Variants in EXOC6B observed in about 807,000 individuals in gnomAD.
EXOC6B encodes the protein exocyst complex component 6B, also known as SEC15 homolog B.
A neutral mutation model predicts 113.5 loss-of-function variants in EXOC6B; 54 were observed. The observed-to-expected ratio is 0.48, with a 90% confidence interval of 0.38 to 0.60. The LOEUF is 0.60. EXOC6B is among the 20% of genes least tolerant of loss of function. The pLI, the probability that EXOC6B is intolerant of heterozygous loss-of-function variation, is 0.00. For synonymous variants in EXOC6B, 357 were observed against 339.0 expected (o/e 1.05, Z -0.58); for missense variants, 797 against 977.5 (o/e 0.82, Z 2.46).
rs1465908324 is a variant in EXOC6B, at chr2:72,465,321, C to T, written c.1819G>A (p.Glu607Lys). 1.3e-6 allele frequency: 2 copies of T among 1,598,508 alleles called. No homozygotes were observed. The highest frequency in any genetic ancestry group is 1.7e-6 in the Non-Finnish European group (2 of 1,172,124). The part of the protein sequence containing the change: ...TTFKDARHAA[E>K]EEIYTNLNQK... ...TTTAAGTTGGTATAAATCTCTTCTT[C>T]AGCTGCATGTCTAGCATCCTGTGAA... Residue 607 changes from glutamate to lysine, a missense_variant, in exon 18 of 22, where the codon GAA becomes AAA. Glu to Lys is a moderately conservative substitution (Grantham distance 56, BLOSUM62 1). Coordinates refer to ENST00000272427, the MANE Select transcript of EXOC6B (RefSeq NM_015189.3).
At chr2:72,248,390 TA>T (rs1263492552) in intron 20 of EXOC6B, among the ~76,000 whole-genome samples, 3 of 152,188 alleles carry the variant, frequency 2.0e-5, no homozygotes, top group Non-Finnish European at 4.4e-5. Flanking sequence ...TCTGGATTCG[TA>T]AAACTGTAAA....
chr2:72,431,532 T>TCTATCTAC (rs1553407600), intron 18 of EXOC6B, among the ~76,000 whole-genome samples: 6 of 151,100 alleles, frequency 4.0e-5, no homozygotes, highest in Non-Finnish European at 8.9e-5. Flanking sequence ...TATCTATCTA[T>TCTATCTAC]CTATCTAAGA....
At chr2:72,364,286 A>G (rs987120574) in intron 19 of EXOC6B, among the ~76,000 whole-genome samples, 1 of 152,114 alleles carries the variant, frequency 6.6e-6, no homozygotes, top group Non-Finnish European at 1.5e-5. Flanking sequence ...AGTAAAATAA[A>G]TGTCCATGGA....
chr2:72,422,136 G>A (rs972910520), intron 18 of EXOC6B, among the ~76,000 whole-genome samples: 5 of 152,196 alleles, frequency 3.3e-5, no homozygotes, highest in South Asian at 2.1e-4. Flanking sequence ...CGTGCGGCCC[G>A]AGCCTCCCCA....
intron 1 of EXOC6B, among the ~76,000 whole-genome samples, chr2:72,798,170 A>C (rs1293823312): frequency 1.3e-5 from 2 of 152,178 alleles, no homozygotes; most frequent in Admixed American, 6.5e-5. Flanking sequence ...AAATAAGAAC[A>C]CCTACAAAGA....
chr2:72,264,717 A>T lies in EXOC6B; in HGVS notation c.2196+70230T>A, dbSNP rs191963108. 3.9e-4 allele frequency among the ~76,000 whole-genome samples: 60 copies of T among 152,036 alleles called. 1 individual carries two copies. The East Asian group carries it at 0.01, about 26-fold the overall frequency. On this transcript the variant is annotated intron_variant, in intron 20 of 21. Transcript: ENST00000272427. ...TTGAATCATGGGGGCAGTTTTCCCC[A>T]CGCTGTTCTCATGATAATGAGTGAG...
At chr2:72,496,784 C>T (rs1700058132) in intron 13 of EXOC6B, among the ~76,000 whole-genome samples, 1 of 151,812 alleles carries the variant, frequency 6.6e-6, no homozygotes, top group Non-Finnish European at 1.5e-5. Flanking sequence ...GAAAACTATC[C>T]TCTGAAACAA....
chr2:72,456,956 T>G (rs1199808315), intron 18 of EXOC6B, among the ~76,000 whole-genome samples: 1 of 151,562 alleles, frequency 6.6e-6, no homozygotes, highest in Admixed American at 6.6e-5. Flanking sequence ...TGTAAGATTT[T>G]CAACACACAT....
intron 16 of EXOC6B, among the ~76,000 whole-genome samples, chr2:72,490,636 G>T (rs1699688784): frequency 6.6e-6 from 1 of 152,088 alleles, no homozygotes; most frequent in Admixed American, 6.6e-5. Context: ...CATATGCAAA[G>T]ATACTGAAAG....
intron 19 of EXOC6B, among the ~76,000 whole-genome samples, chr2:72,342,879 C>T (rs1390740398): frequency 6.6e-6 from 1 of 152,076 alleles, no homozygotes; most frequent in Non-Finnish European, 1.5e-5. Flanking sequence ...GGGTATATAG[C>T]CAAAGGAAAT....
chr2:72,317,605 T>C (rs921027085), intron 20 of EXOC6B, among the ~76,000 whole-genome samples: 3 of 150,040 alleles, frequency 2.0e-5, no homozygotes, highest in African/African-American at 7.5e-5. Flanking sequence ...ACTGCTTGTA[T>C]TGACAAATGA....
At chr2:72,776,343 G>A (rs1683698945) in intron 1 of EXOC6B, among the ~76,000 whole-genome samples, 1 of 152,194 alleles carries the variant, frequency 6.6e-6, no homozygotes, top group Non-Finnish European at 1.5e-5. Context: ...CTGGCCAGGA[G>A]AGGTGGCTCA....
chr2:72,570,889 A>C (rs1040677950), intron 7 of EXOC6B, among the ~76,000 whole-genome samples: 1 of 152,304 alleles, frequency 6.6e-6, no homozygotes, highest in East Asian at 1.9e-4. Flanking sequence ...AAAAAAGCAC[A>C]TGGTCATAAT....
At chr2:72,602,145 A>T (rs1670469968) in intron 6 of EXOC6B, among the ~76,000 whole-genome samples, 1 of 152,174 alleles carries the variant, frequency 6.6e-6, no homozygotes, top group Admixed American at 6.6e-5. Context: ...GTAAATTTGG[A>T]GGATTGAGCA....
chr2:72,643,305 C>T (rs1330430934), intron 6 of EXOC6B, among the ~76,000 whole-genome samples: 126 of 148,566 alleles, frequency 8.5e-4, no homozygotes, highest in African/African-American at 3.0e-3. Context: ...TATAAAGACA[C>T]ATGCACACGT....
At chr2:72,571,492 C>CA (rs958965288) in intron 7 of EXOC6B, among the ~76,000 whole-genome samples, 120 of 150,698 alleles carry the variant, frequency 8.0e-4, no homozygotes, top group African/African-American at 2.4e-3. Context: ...TTTTTTAAAA[C>CA]AAAAAAAACC....
chr2:72,299,139 G>A (rs1308498585), intron 20 of EXOC6B, among the ~76,000 whole-genome samples: 1 of 151,946 alleles, frequency 6.6e-6, no homozygotes, highest in African/African-American at 2.4e-5. Flanking sequence ...CGTAGATTTG[G>A]TCTTTTCACA....
At chr2:72,641,010 C>T (rs1190913530) in intron 6 of EXOC6B, among the ~76,000 whole-genome samples, 1 of 152,172 alleles carries the variant, frequency 6.6e-6, no homozygotes, top group Non-Finnish European at 1.5e-5. Context: ...TAGATTCCCA[C>T]ACAATAATAG....
chr2:72,696,167 T>C (rs1677863885), intron 6 of EXOC6B, among the ~76,000 whole-genome samples: 1 of 152,214 alleles, frequency 6.6e-6, no homozygotes. Context: ...GCAGAATAAT[T>C]GACAGTAATA....
Sources: gnomAD v4.1 joint callset for allele counts (sites outside exome capture counted in the v4.1 genomes callset) on GRCh38, gnomAD v4.1.1 for gene constraint, MANE v1.5 for transcripts, NCBI Gene and HGNC (gene_info 2026-07-23, HGNC 2026-07-21) for gene names.